FGF14: variants seen among roughly 807,000 people sequenced by gnomAD.
FGF14 encodes fibroblast growth factor 14.
In FGF14, 5 loss-of-function variants were observed where a neutral mutation model predicts 25.5. That is an observed-to-expected ratio of 0.20 (90% CI 0.10 to 0.41). FGF14 has a LOEUF of 0.41. Ranked by LOEUF, FGF14 falls within the 10% of genes least tolerant of loss-of-function variation. FGF14 has a pLI of 1.00. For synonymous variants in FGF14, 138 were observed against 118.3 expected, an observed-to-expected ratio of 1.17 and a Z score of -1.08; for missense variants, 222 against 320.1, an observed-to-expected ratio of 0.69 and a Z score of 2.34.
chr13:101,787,544 GT>G (rs1456215836), intron 3 of FGF14, among the ~76,000 whole-genome samples: 6 of 152,170 alleles, frequency 3.9e-5, no homozygotes, highest in Non-Finnish European at 8.8e-5. Flanking sequence ...AAGCAGCTCA[GT>G]TTCCTCAACG....
chr13:102,366,423 T>C (rs965766396), intron 1 of FGF14: 1 of 152,300 alleles, frequency 6.6e-6, no homozygotes, highest in African/African-American at 2.4e-5. Flanking sequence ...TGTTCTTTGA[T>C]GAATGATCTA....
chr13:101,859,172 C>A (rs79936065), intron 3 of FGF14, among the ~76,000 whole-genome samples: 3 of 151,996 alleles, frequency 2.0e-5, no homozygotes, highest in Non-Finnish European at 4.4e-5. Flanking sequence ...TGAAGCCACT[C>A]GAGGAATAAA....
At chr13:102,067,026 C>T (rs2042932591) in intron 1 of FGF14, among the ~76,000 whole-genome samples, 1 of 152,184 alleles carries the variant, frequency 6.6e-6, no homozygotes, top group Non-Finnish European at 1.5e-5. Context: ...TACTGCTTAC[C>T]AACCAAATCT....
chr13:101,902,118 T>G (rs937871711), intron 1 of FGF14, among the ~76,000 whole-genome samples: 6 of 152,170 alleles, frequency 3.9e-5, no homozygotes, highest in Admixed American at 2.6e-4. Flanking sequence ...ATTCTTAGAT[T>G]ATTCAAAACA....
chr13:101,950,878 A>G (rs1467286543), intron 1 of FGF14, among the ~76,000 whole-genome samples: 2 of 149,270 alleles, frequency 1.3e-5, no homozygotes, highest in African/African-American at 4.9e-5. Context: ...ACCACAAACA[A>G]AAAGGGGTTA....
chr13:101,932,140 G>A (rs2034793949), intron 1 of FGF14, among the ~76,000 whole-genome samples: 1 of 152,156 alleles, frequency 6.6e-6, no homozygotes, highest in East Asian at 1.9e-4. Flanking sequence ...TTTCCTTTTA[G>A]TTTGTACAAA....
intron 1 of FGF14, among the ~76,000 whole-genome samples, chr13:102,115,418 T>C (rs936047197): frequency 2.6e-5 from 4 of 152,244 alleles, no homozygotes; most frequent in African/African-American, 9.6e-5. Context: ...GTAGCCATTC[T>C]GACTGGTGTG....
rs529491855 is a variant in FGF14, at chr13:101,924,205, T to C, written c.209-48909A>G. ...ATAATCTCAATGCAAAGAGAGTCCC[T>C]GTGCACATGTGATATAATCTTTTTC... On this transcript the variant is annotated intron_variant, in intron 1 of 4. Coordinates refer to the FGF14 transcript ENST00000376131. Among the ~76,000 whole-genome samples the C allele has an allele frequency of 2.6e-4, 39 of 152,272 alleles. No individual in the cohort carries two copies. In the South Asian group the frequency reaches 7.5e-3, roughly 29 times the overall value.
At chr13:102,268,545 C>T (rs899446395) in intron 1 of FGF14, among the ~76,000 whole-genome samples, 123 of 152,074 alleles carry the variant, frequency 8.1e-4, no homozygotes, top group African/African-American at 2.7e-3. Flanking sequence ...TATGCAAATA[C>T]ATGTGAAAAT....
intron 1 of FGF14, among the ~76,000 whole-genome samples, chr13:102,132,334 A>C (rs74108991): frequency 0.026 from 3,970 of 152,260 alleles, 160 homozygotes; most frequent in African/African-American, 0.091. Flanking sequence ...AATTTAAGAC[A>C]TATACACATA....
chr13:101,978,587 T>C (rs1230160846), intron 1 of FGF14, among the ~76,000 whole-genome samples: 1 of 152,234 alleles, frequency 6.6e-6, no homozygotes, highest in Admixed American at 6.5e-5. Flanking sequence ...ATGGGTTTTC[T>C]AAGCATTAAA....
At chr13:102,317,276 A>C (rs2056068407) in intron 1 of FGF14, among the ~76,000 whole-genome samples, 1 of 152,156 alleles carries the variant, frequency 6.6e-6, no homozygotes. Context: ...ACCATACATA[A>C]ACATTTGCAA....
At chr13:102,047,395 C>T (rs1280930431) in intron 1 of FGF14, among the ~76,000 whole-genome samples, 3 of 151,874 alleles carry the variant, frequency 2.0e-5, no homozygotes, top group East Asian at 3.9e-4. Context: ...TTAGCTATAC[C>T]TTTAAAAAAA....
At chr13:101,994,185 C>G (rs2039057844) in intron 1 of FGF14, among the ~76,000 whole-genome samples, 1 of 151,860 alleles carries the variant, frequency 6.6e-6, no homozygotes. Flanking sequence ...ATAAAGAGAA[C>G]AAACTTTCCA....
At chr13:101,926,069 C>A (rs77290051) in intron 1 of FGF14, among the ~76,000 whole-genome samples, 5,814 of 152,258 alleles carry the variant, frequency 0.038, 409 homozygotes, top group African/African-American at 0.13. Flanking sequence ...GGAATCTCCC[C>A]ATCCCAGGAT....
At chr13:102,026,037 G>A (rs770024636) in intron 1 of FGF14, among the ~76,000 whole-genome samples, 1 of 151,864 alleles carries the variant, frequency 6.6e-6, no homozygotes, top group Non-Finnish European at 1.5e-5. Context: ...TTGTTCTAGG[G>A]GGAAATCATT....
chr13:102,280,710 T>C (rs576509945), intron 1 of FGF14, among the ~76,000 whole-genome samples: 37 of 152,268 alleles, frequency 2.4e-4, no homozygotes, highest in African/African-American at 8.7e-4. Flanking sequence ...TTTTGGAGTA[T>C]GCATGAGATA....
At chr13:101,732,732 G>A (rs995154951) in intron 3 of FGF14, among the ~76,000 whole-genome samples, 3 of 152,284 alleles carry the variant, frequency 2.0e-5, no homozygotes, top group South Asian at 2.1e-4. Context: ...TATTTACAAC[G>A]AGAAATTGAG....
At chr13:102,267,599 A>G (rs72647447) in intron 1 of FGF14, among the ~76,000 whole-genome samples, 83 of 152,240 alleles carry the variant, frequency 5.5e-4, no homozygotes, top group Non-Finnish European at 1.1e-3. Context: ...ATGTGTAGAG[A>G]GAGAGAAAGA....
Sources: allele counts gnomAD v4.1 joint callset (sites outside exome capture counted in the v4.1 genomes callset), GRCh38; gene constraint gnomAD v4.1.1; transcripts MANE v1.5; gene names NCBI Gene and HGNC (gene_info 2026-07-23, HGNC 2026-07-21).